The following GPATCH2L variants were observed in gnomAD, a reference collection of about 807,000 sequenced individuals.
GPATCH2L encodes G-patch domain containing 2 like, also known as G patch domain-containing protein 2-like.
GPATCH2L carries 31 observed loss-of-function variants against 57.4 expected under a neutral mutation model. That is an observed-to-expected ratio of 0.54 (90% CI 0.41 to 0.73). The LOEUF is 0.73. Ranked by LOEUF, GPATCH2L falls within the 30% of genes least tolerant of loss-of-function variation. The pLI is 0.00. For missense variants in GPATCH2L, 481 were observed against 599.9 expected, an observed-to-expected ratio of 0.80 and a Z score of 2.07; for synonymous variants, 199 against 210.7, an observed-to-expected ratio of 0.94 and a Z score of 0.48.
In GPATCH2L at chr14:76,176,644, G is replaced by A. The variant is rs2039340858; in HGVS notation, c.1006G>A (p.Gly336Arg). 2 of 1,610,680 alleles carry A rather than the reference G, an allele frequency of 1.2e-6. No homozygotes were observed. The highest frequency in any genetic ancestry group is 1.3e-5 in the African/African-American group (1 of 74,832). ...VGKETSINTL[G>R]TERISHIISD... ...TTAGGAGACCAGCATAAACACTTTG[G>A]GGACTGAGAGGATAAGCCATATCAT... is the stretch of plus-strand genomic sequence containing the variant. The change falls in exon 6 of 10, where the codon GGG (glycine) becomes AGG (arginine). Residue 336 changes from glycine (G) to arginine (R), a missense_variant. Physicochemically the swap from Gly to Arg is moderately radical, Grantham distance 125. Coordinates refer to ENST00000261530, the MANE Select transcript of GPATCH2L (RefSeq NM_017926.4).
At chr14:76,189,672 C>T (rs972446331) in intron 8 of GPATCH2L, among the ~76,000 whole-genome samples, 3 of 151,984 alleles carry the variant, frequency 2.0e-5, no homozygotes, top group East Asian at 1.9e-4. Flanking sequence ...TCTTCCTTTT[C>T]GGTTTGGATG....
intron 8 of GPATCH2L, among the ~76,000 whole-genome samples, chr14:76,193,194 A>G (rs2040037756): frequency 6.6e-6 from 1 of 152,194 alleles, no homozygotes; most frequent in Non-Finnish European, 1.5e-5. Flanking sequence ...TAAAAACTTT[A>G]ACATTTTAGT....
chr14:76,204,724 A>C lies in GPATCH2L; in HGVS notation c.*2873A>C, dbSNP rs1237999678. 4 of 152,230 alleles carry C rather than the reference A, an allele frequency of 2.6e-5. No individual in the cohort carries two copies. Among genetic ancestry groups the C allele is most frequent in the Non-Finnish European group, 5.9e-5 (4 of 68,048 alleles). The allele number at this position is 152,230 out of a possible 1,614,324, so 9.4% of individuals were successfully genotyped here. ...TGATCTGCTCAAAAGTAATAACTAA[A>C]GCTGAGTTAAACAGTTGTTATTTAT... is the stretch of plus-strand genomic sequence containing the variant. On this transcript the variant is annotated 3_prime_UTR_variant, in exon 10 of 10. Transcript: ENST00000261530.
At chr14:76,196,275 C>A in intron 9 of GPATCH2L, 1 of 607,372 alleles carries the variant, frequency 1.6e-6, no homozygotes, top group Admixed American at 2.9e-5. Flanking sequence ...AATGAAAGTC[C>A]AGGTGAAGTG....
chr14:76,205,515 T>A lies in GPATCH2L; in HGVS notation c.*3664T>A, dbSNP rs1423508782. On this transcript the variant is annotated 3_prime_UTR_variant, in exon 10 of 10. Coordinates refer to ENST00000261530, the MANE Select transcript of GPATCH2L (RefSeq NM_017926.4). ...AAATGGCCAAAAGCTGAAATAAATCTTCTTAGTCTGTGATGCTTGTAGCAT... is the reference window on the plus strand; with the variant it reads ...AAATGGCCAAAAGCTGAAATAAATCATCTTAGTCTGTGATGCTTGTAGCAT... The A allele has an allele frequency of 6.6e-6, 1 of 152,212 alleles. No homozygotes were observed. Among genetic ancestry groups the A allele is most frequent in the African/African-American group, 2.4e-5 (1 of 41,454 alleles). The allele number at this position is 152,212 out of a possible 1,614,324, so 9.4% of individuals were successfully genotyped here.
intron 9 of GPATCH2L, among the ~76,000 whole-genome samples, chr14:76,198,566 C>T (rs987919623): frequency 6.6e-6 from 1 of 152,116 alleles, no homozygotes; most frequent in Non-Finnish European, 1.5e-5. Flanking sequence ...TGTTGAGAAC[C>T]CAGCTATTTG....
rs1566763892 is a variant in GPATCH2L, at chr14:76,154,460, C to G, written c.97C>G (p.Arg33Gly). 1 of 1,614,150 alleles carries G rather than the reference C, an allele frequency of 6.2e-7. No homozygotes were observed. The highest frequency in any genetic ancestry group is 1.1e-5 in the South Asian group (1 of 91,082). ...GTGGGAGGAGATGGCGCTGAGCCCC[C>G]GACAGCAGAGGCGGCAGCTTCGGAA... ...ELWEEMALSPRQQRRQLRKRR... is the reference protein window; with the variant it reads ...ELWEEMALSPGQQRRQLRKRR... The change falls in exon 2 of 10, where the codon CGA (arginine) becomes GGA (glycine). Residue 33 changes from arginine (R) to glycine (G), a missense_variant. Physicochemically the swap from Arg to Gly is moderately radical, Grantham distance 125. Coordinates refer to ENST00000261530, the MANE Select transcript of GPATCH2L (RefSeq NM_017926.4). The surrounding 1 kb of genome is among the most constrained non-coding windows in gnomAD (Gnocchi z 4.4).
downstream of GPATCH2L, among the ~76,000 whole-genome samples, chr14:76,216,681 A>G (rs2040491371): frequency 6.6e-6 from 1 of 152,098 alleles, no homozygotes; most frequent in Non-Finnish European, 1.5e-5. Context: ...AGCTTGACAC[A>G]TTGATTGTAA....
At chr14:76,183,241 T>C (rs538612591) in intron 8 of GPATCH2L, among the ~76,000 whole-genome samples, 1 of 152,358 alleles carries the variant, frequency 6.6e-6, no homozygotes, top group African/African-American at 2.4e-5. Context: ...CTTGGAAACC[T>C]GAGGAAGTCT....
chr14:76,174,824 G>A (rs1171654918), intron 5 of GPATCH2L: 1 of 151,992 alleles, frequency 6.6e-6, no homozygotes, highest in Non-Finnish European at 1.5e-5. Flanking sequence ...TAGTACAGAT[G>A]GGGTTTTACC....
In GPATCH2L at chr14:76,209,118, C is replaced by T. The variant is rs1246320140; in HGVS notation, c.*7267C>T. ...TTATGACACTGATGCTATATAACCA[C>T]TTCCTTCTTTGGAATGCTCCCTTTC... is the stretch of plus-strand genomic sequence containing the variant. On this transcript the variant is annotated 3_prime_UTR_variant, in exon 10 of 10. Transcript: ENST00000261530. 3 of 152,270 alleles carry T rather than the reference C, an allele frequency of 2.0e-5. No homozygotes were observed. Among genetic ancestry groups the T allele is most frequent in the African/African-American group, 7.2e-5 (3 of 41,452 alleles). The allele number at this position is 152,270 out of a possible 1,614,324, so 9.4% of individuals were successfully genotyped here.
At chr14:76,176,553 A>G in intron 5 of GPATCH2L, 70 bp from the exon 6 acceptor site, 1 of 1,076,226 alleles carries the variant, frequency 9.3e-7, no homozygotes, top group African/African-American at 1.5e-5. Flanking sequence ...GTTATGGGAA[A>G]GATTGATATT....
intron 8 of GPATCH2L, among the ~76,000 whole-genome samples, chr14:76,184,026 GTGTGTGTGTGTGTGTGTGT>G (rs2039675669): frequency 2.1e-5 from 3 of 146,170 alleles, no homozygotes; most frequent in Non-Finnish European, 4.5e-5. Flanking sequence ...TTAGCATGGT[GTGTGTGTGTGTGTGTGTGT>G]GTGTGTGTGT....
At chr14:76,162,174 G>T (rs2038620397) in intron 2 of GPATCH2L, among the ~76,000 whole-genome samples, 1 of 152,226 alleles carries the variant, frequency 6.6e-6, no homozygotes. Context: ...AGGGACCTCA[G>T]TTCTCTCAAG....
rs370022464 is a variant in GPATCH2L, at chr14:76,212,250, T to C, written c.*10399T>C. 2.0e-5 allele frequency: 3 copies of C among 152,144 alleles called. No individual in the cohort carries two copies. In the East Asian group the frequency reaches 5.8e-4, roughly 29 times the overall value. The allele number at this position is 152,144 out of a possible 1,614,324, so 9.4% of individuals were successfully genotyped here. On this transcript the variant is annotated 3_prime_UTR_variant, in exon 10 of 10. Coordinates refer to ENST00000261530, the MANE Select transcript of GPATCH2L (RefSeq NM_017926.4). ...TGTCATATTAATAAAAGTAAACTTA[T>C]CTGTAGATAAAAGGCAAAAATGTCA...
At chr14:76,232,744 C>T (rs1453732056) in intron 2 of GPATCH2L, among the ~76,000 whole-genome samples, 4 of 152,150 alleles carry the variant, frequency 2.6e-5, no homozygotes, top group Non-Finnish European at 4.4e-5. Flanking sequence ...TTTTCCTTTA[C>T]CCATGGAGTC....
chr14:76,158,139 TC>T (rs2038397961), intron 2 of GPATCH2L, among the ~76,000 whole-genome samples: 1 of 152,176 alleles, frequency 6.6e-6, no homozygotes, highest in Non-Finnish European at 1.5e-5. Context: ...CTTTTTTTTT[TC>T]ATAAGTGAAT....
Position 76,195,990 on chromosome 14 carries a change from T to C in GPATCH2L, c.1288+18T>C. ...CAGTGCAGGTGATTACATGCAGTTA[T>C]CATTTATTGAGCATGTACCGTGTGC... is the stretch of plus-strand genomic sequence containing the variant. On this transcript the variant is annotated intron_variant, in intron 9 of 9. Coordinates refer to ENST00000261530, the MANE Select transcript of GPATCH2L (RefSeq NM_017926.4). 6.5e-7 allele frequency: 1 copy of C among 1,544,258 alleles called. No individual in the cohort carries two copies.
Position 76,212,811 on chromosome 14 carries a change from A to C in GPATCH2L, c.*10960A>C, listed in dbSNP as rs111395219. On this transcript the variant is annotated 3_prime_UTR_variant, in exon 10 of 10. Transcript: ENST00000261530. ...GCTGATAAAAATGCAATAAACTTAG[A>C]ATTTGAGGATAGGTGGTCAGAAAAA... 38 of 152,290 alleles carry C rather than the reference A, an allele frequency of 2.5e-4. 1 individual carries two copies. Among genetic ancestry groups the C allele is most frequent in the African/African-American group, 8.7e-4 (36 of 41,576 alleles). The allele number at this position is 152,290 out of a possible 1,614,324, so 9.4% of individuals were successfully genotyped here.
Sources: gnomAD v4.1 joint callset for allele counts (sites outside exome capture counted in the v4.1 genomes callset) on GRCh38, gnomAD v4.1.1 for gene constraint, Gnocchi (gnomAD v3.1) non-coding constraint, MANE v1.5 for transcripts, NCBI Gene and HGNC (gene_info 2026-07-23, HGNC 2026-07-21) for gene names.